The following OXSR1 variants were observed in gnomAD, a reference collection of about 807,000 sequenced individuals.
The protein encoded by OXSR1 is oxidative stress responsive kinase 1.
OXSR1 carries 24 observed loss-of-function variants against 79.8 expected under a neutral mutation model. The ratio of observed to expected loss-of-function variants is 0.30; its 90% CI spans 0.22 to 0.42. The LOEUF (loss-of-function observed/expected upper bound fraction) is 0.42, where lower values mean the gene tolerates loss of function less well. OXSR1 is among the 10% of genes least tolerant of loss of function. The pLI, the probability that OXSR1 is intolerant of heterozygous loss-of-function variation, is 1.00. For missense variants in OXSR1, 430 were observed against 618.4 expected, an observed-to-expected ratio of 0.70 and a Z score of 3.23; for synonymous variants, 226 against 209.2, an observed-to-expected ratio of 1.08 and a Z score of -0.69.
chr3:38,244,520 A>G (rs1038063193), intron 12 of OXSR1, among the ~76,000 whole-genome samples: 1 of 152,112 alleles, frequency 6.6e-6, no homozygotes, highest in African/African-American at 2.4e-5. Context: ...AAGTGGAATT[A>G]TACAGTATTT....
intron 12 of OXSR1, among the ~76,000 whole-genome samples, chr3:38,245,058 G>C (rs528426014): frequency 3.6e-4 from 55 of 152,208 alleles, no homozygotes; most frequent in African/African-American, 1.3e-3. Context: ...TTCAAAAGTA[G>C]TCTTAAAGGC....
In OXSR1 at chr3:38,223,356, C is replaced by T. The variant is rs1164649900; in HGVS notation, c.601-456C>T. The stretch of plus-strand genomic sequence containing the variant: ...GCCCAGGCTGGTCTTGAACTCTTGG[C>T]CTCAAGCCCACCTCATCCTCCCACC... On this transcript the variant is annotated intron_variant, in intron 6 of 17. Transcript: ENST00000311806. Among the ~76,000 whole-genome samples, 4 of 151,958 alleles carry T rather than the reference C, an allele frequency of 2.6e-5. No individual in the cohort carries two copies. In the South Asian group the frequency reaches 6.2e-4, roughly 24 times the overall value.
rs568551904 is a variant in OXSR1, at chr3:38,175,638, C to T, written c.71-7365C>T. ...TCTTAAATTTCTAAGTTTAGTAAAG[C>T]GGAGAGAAACTGAAATTTTTTCTTA... On this transcript the variant is annotated intron_variant, in intron 1 of 17. Transcript: ENST00000311806. Among the ~76,000 whole-genome samples the T allele has an allele frequency of 5.8e-4, 88 of 152,248 alleles. 1 individual carries two copies. The highest frequency in any genetic ancestry group is 1.5e-3 in the African/African-American group (62 of 41,546).
At chr3:38,206,097 G>A (rs1212147767) in intron 4 of OXSR1, among the ~76,000 whole-genome samples, 1 of 152,060 alleles carries the variant, frequency 6.6e-6, no homozygotes. Flanking sequence ...ATTATATTTT[G>A]TATTCTTAAA....
intron 12 of OXSR1, among the ~76,000 whole-genome samples, chr3:38,243,521 C>T (rs116540138): frequency 3.2e-3 from 484 of 152,190 alleles, no homozygotes; most frequent in Non-Finnish European, 5.6e-3. Context: ...TTCTCATTAC[C>T]GGAGAAAGAC....
chr3:38,238,705 CAT>C (rs1178459654), intron 11 of OXSR1, among the ~76,000 whole-genome samples: 6 of 151,876 alleles, frequency 4.0e-5, no homozygotes, highest in Admixed American at 2.0e-4. Flanking sequence ...TTATAAGTAA[CAT>C]GTCTTTTTTC....
At chr3:38,206,939 AG>A (rs1312962124) in intron 4 of OXSR1, among the ~76,000 whole-genome samples, 2 of 152,230 alleles carry the variant, frequency 1.3e-5, no homozygotes, top group East Asian at 3.8e-4. Context: ...GGGATGAGAT[AG>A]TATCTATCTC....
At chr3:38,252,241 TAAC>T in intron 16 of OXSR1, 84 bp from the exon 17 acceptor site, 1 of 903,810 alleles carries the variant, frequency 1.1e-6, no homozygotes, top group East Asian at 2.4e-5. Context: ...AGCATATTCT[TAAC>T]TACCATTTAA....
At chr3:38,244,494 T>G (rs1460123294) in intron 12 of OXSR1, among the ~76,000 whole-genome samples, 2 of 152,188 alleles carry the variant, frequency 1.3e-5, no homozygotes, top group Non-Finnish European at 2.9e-5. Flanking sequence ...ATTTGCCTAC[T>G]CTAGGTACCT....
intron 4 of OXSR1, among the ~76,000 whole-genome samples, chr3:38,209,336 A>C (rs927318932): frequency 6.6e-6 from 1 of 151,384 alleles, no homozygotes; most frequent in African/African-American, 2.4e-5. Flanking sequence ...CTCCTGCCTC[A>C]GACTCCCAAA....
chr3:38,191,241 T>A (rs1163019923), intron 3 of OXSR1, among the ~76,000 whole-genome samples: 1 of 152,066 alleles, frequency 6.6e-6, no homozygotes, highest in Non-Finnish European at 1.5e-5. Flanking sequence ...TATAATTTTT[T>A]TTTTTTGGAG....
intron 16 of OXSR1, among the ~76,000 whole-genome samples, chr3:38,251,777 C>T (rs749299243): frequency 6.6e-6 from 1 of 152,128 alleles, no homozygotes; most frequent in Non-Finnish European, 1.5e-5. Context: ...TTTTGGATAC[C>T]TAATTTTTGT....
At chr3:38,178,217 C>T (rs949966634) in intron 1 of OXSR1, among the ~76,000 whole-genome samples, 3 of 152,142 alleles carry the variant, frequency 2.0e-5, no homozygotes, top group African/African-American at 7.2e-5. Flanking sequence ...TCCCAAAGTG[C>T]TGGGATTACA....
intron 1 of OXSR1, among the ~76,000 whole-genome samples, chr3:38,172,021 G>A (rs543174449): frequency 8.5e-5 from 13 of 152,114 alleles, no homozygotes; most frequent in South Asian, 2.1e-4. Flanking sequence ...CACTGGGGCC[G>A]TTATATAGAT....
chr3:38,215,471 A>C (rs979423705), intron 4 of OXSR1, among the ~76,000 whole-genome samples: 1 of 152,148 alleles, frequency 6.6e-6, no homozygotes, highest in African/African-American at 2.4e-5. Context: ...ATTTGAATGG[A>C]TAGTATAATA....
intron 11 of OXSR1, among the ~76,000 whole-genome samples, chr3:38,238,428 A>G (rs986986220): frequency 6.6e-6 from 1 of 152,102 alleles, no homozygotes; most frequent in Non-Finnish European, 1.5e-5. Context: ...GCCCATATTC[A>G]TAATGCTCTT....
intron 1 of OXSR1, among the ~76,000 whole-genome samples, chr3:38,166,559 G>T (rs6810031): frequency 1.3e-5 from 2 of 152,266 alleles, no homozygotes; most frequent in Non-Finnish European, 1.5e-5. Flanking sequence ...TTGGGAGGCC[G>T]AGGCGGGCGG....
At chr3:38,223,247 C>T (rs904531892) in intron 6 of OXSR1, among the ~76,000 whole-genome samples, 2 of 151,902 alleles carry the variant, frequency 1.3e-5, no homozygotes, top group South Asian at 2.1e-4. Flanking sequence ...GCTAGCCTCC[C>T]GAGCAGCTGG....
intron 1 of OXSR1, among the ~76,000 whole-genome samples, chr3:38,182,385 A>G (rs531941980): frequency 5.3e-5 from 8 of 152,312 alleles, no homozygotes; most frequent in South Asian, 2.1e-4. Context: ...GACTGGGTTC[A>G]CCACTGTCCT....
Sources: allele counts gnomAD v4.1 joint callset (sites outside exome capture counted in the v4.1 genomes callset), GRCh38; gene constraint gnomAD v4.1.1; transcripts MANE v1.5; gene names NCBI Gene and HGNC (gene_info 2026-07-23, HGNC 2026-07-21).